Variants in PEAK1 observed in about 807,000 individuals in gnomAD.
PEAK1 encodes the protein pseudopodium enriched atypical kinase 1, also known as inactive tyrosine-protein kinase PEAK1.
In PEAK1, 54 loss-of-function variants were observed where a neutral mutation model predicts 124.7. The observed-to-expected ratio is 0.43, with a 90% confidence interval of 0.35 to 0.54. PEAK1 has a LOEUF of 0.54. Ranked by LOEUF, PEAK1 falls within the 20% of genes least tolerant of loss-of-function variation. The probability of loss-of-function intolerance (pLI) is 0.01; values close to 1 mark genes in which losing one functional copy is unlikely to be tolerated. For synonymous variants in PEAK1, 719 were observed against 760.0 expected (o/e 0.95, Z 0.89); for missense variants, 2,046 against 2,134.5 (o/e 0.96, Z 0.82).
At chr15:77,205,864 T>C (rs2058618147) in intron 6 of PEAK1, among the ~76,000 whole-genome samples, 1 of 151,402 alleles carries the variant, frequency 6.6e-6, no homozygotes, top group Non-Finnish European at 1.5e-5. Context: ...TTAGGGTACA[T>C]GTGCACATTG....
chr15:77,318,077 G>A (rs1192925811), intron 2 of PEAK1, among the ~76,000 whole-genome samples: 12 of 152,130 alleles, frequency 7.9e-5, no homozygotes, highest in Non-Finnish European at 8.8e-5. Context: ...TAGCATAAGG[G>A]AGATCTTTGT....
chr15:77,245,171 G>A (rs898585793), intron 6 of PEAK1, among the ~76,000 whole-genome samples: 5 of 151,988 alleles, frequency 3.3e-5, no homozygotes, highest in South Asian at 2.1e-4. Context: ...AGTATCTTTC[G>A]TATGTTTTTG....
intron 1 of PEAK1, among the ~76,000 whole-genome samples, chr15:77,388,888 T>C (rs978829499): frequency 2.6e-5 from 4 of 151,926 alleles, no homozygotes; most frequent in African/African-American, 9.7e-5. Flanking sequence ...TTCCATCCTA[T>C]CTTTTATGTT....
At chr15:77,159,149 G>A (rs1354559616) in intron 7 of PEAK1, among the ~76,000 whole-genome samples, 2 of 152,072 alleles carry the variant, frequency 1.3e-5, no homozygotes, top group Non-Finnish European at 2.9e-5. Flanking sequence ...ACACTTTAGT[G>A]TGTACTAAAT....
At chr15:77,116,762 G>A (rs191590630) in intron 9 of PEAK1, among the ~76,000 whole-genome samples, 120 of 150,962 alleles carry the variant, frequency 7.9e-4, no homozygotes, top group African/African-American at 2.8e-3. Context: ...CTATACCTCA[G>A]CACAAGTTCC....
intron 9 of PEAK1, among the ~76,000 whole-genome samples, chr15:77,120,204 C>A (rs1291780458): frequency 1.3e-5 from 2 of 152,174 alleles, no homozygotes; most frequent in South Asian, 2.1e-4. Flanking sequence ...CCTAGTTTTT[C>A]ATTGACAAAC....
At chr15:77,384,785 C>A (rs550283764) in intron 1 of PEAK1, among the ~76,000 whole-genome samples, 1 of 152,294 alleles carries the variant, frequency 6.6e-6, no homozygotes, top group Non-Finnish European at 1.5e-5. Context: ...ACTAAGCCTG[C>A]CTAAATAAAG....
At chr15:77,407,804 C>T (rs538990469) in intron 1 of PEAK1, among the ~76,000 whole-genome samples, 39 of 151,960 alleles carry the variant, frequency 2.6e-4, no homozygotes, top group Admixed American at 2.6e-3. Flanking sequence ...GACATTTGCA[C>T]AGGCATGTTT....
intron 6 of PEAK1, among the ~76,000 whole-genome samples, chr15:77,245,809 A>C (rs2060556984): frequency 6.6e-6 from 1 of 152,190 alleles, no homozygotes; most frequent in African/African-American, 2.4e-5. Context: ...TGGACTATTT[A>C]TTCTGTTTTA....
chr15:77,160,260 G>A (rs777798716), intron 7 of PEAK1, among the ~76,000 whole-genome samples: 5 of 152,278 alleles, frequency 3.3e-5, no homozygotes, highest in South Asian at 4.2e-4. Context: ...GTACCACTTC[G>A]TGTCAAGAGT....
intron 8 of PEAK1, among the ~76,000 whole-genome samples, chr15:77,145,764 A>G (rs1461234362): frequency 6.6e-6 from 1 of 152,194 alleles, no homozygotes; most frequent in Non-Finnish European, 1.5e-5. Flanking sequence ...TCCTCCAGGC[A>G]AAGGCTTTCA....
intron 6 of PEAK1, among the ~76,000 whole-genome samples, chr15:77,216,798 G>A (rs1273286192): frequency 6.6e-6 from 1 of 152,140 alleles, no homozygotes; most frequent in Non-Finnish European, 1.5e-5. Context: ...CTCAACGGGG[G>A]CCAAAACCAT....
intron 6 of PEAK1, among the ~76,000 whole-genome samples, chr15:77,250,041 C>G (rs934513115): frequency 6.6e-6 from 1 of 150,726 alleles, no homozygotes; most frequent in African/African-American, 2.4e-5. Flanking sequence ...GTGAATGTGG[C>G]CACATGTCTA....
At chr15:77,310,025 T>C (rs763787581) in intron 2 of PEAK1, among the ~76,000 whole-genome samples, 2 of 152,140 alleles carry the variant, frequency 1.3e-5, no homozygotes, top group African/African-American at 2.4e-5. Flanking sequence ...CCCAAACTAG[T>C]GGACTAAATT....
At chr15:77,226,312 A>G (rs2152889090) in intron 6 of PEAK1, among the ~76,000 whole-genome samples, 1 of 151,528 alleles carries the variant, frequency 6.6e-6, no homozygotes, top group Admixed American at 6.6e-5. Flanking sequence ...ACAAATCCAG[A>G]CACTGACAAC....
chr15:77,314,680 T>C (rs1384314846), intron 2 of PEAK1, among the ~76,000 whole-genome samples: 5 of 152,156 alleles, frequency 3.3e-5, no homozygotes, highest in Non-Finnish European at 7.3e-5. Flanking sequence ...AAACGAATTT[T>C]CTAGATGACT....
chr15:77,304,912 C>A (rs894320712), intron 2 of PEAK1, among the ~76,000 whole-genome samples: 1 of 151,946 alleles, frequency 6.6e-6, no homozygotes, highest in Non-Finnish European at 1.5e-5. Context: ...TGGATCATTC[C>A]TGCATGCATT....
In PEAK1 at chr15:77,149,012, A is replaced by T. The variant is rs149814237; in HGVS notation, c.3331+9491T>A. Among the ~76,000 whole-genome samples the T allele has an allele frequency of 3.7e-4, 56 of 152,296 alleles. No individual in the cohort carries two copies. The East Asian group carries it at 0.01, about 27-fold the overall frequency. On this transcript the variant is annotated intron_variant, in intron 8 of 9. Coordinates refer to ENST00000682557, the MANE Select transcript of PEAK1 (RefSeq NM_001385026.1). ...ATAAAGGAATTCACAACTAGTAAGGACTTCTATGTACCAAGTACTTCTCTG... is the reference window on the plus strand; with the variant it reads ...ATAAAGGAATTCACAACTAGTAAGGTCTTCTATGTACCAAGTACTTCTCTG...
chr15:77,338,479 C>T (rs1390243205), intron 2 of PEAK1, among the ~76,000 whole-genome samples: 1 of 152,092 alleles, frequency 6.6e-6, no homozygotes, highest in Non-Finnish European at 1.5e-5. Context: ...ACAAAAGGTA[C>T]ACTCCCCAAC....
Sources: allele counts gnomAD v4.1 joint callset (sites outside exome capture counted in the v4.1 genomes callset), GRCh38; gene constraint gnomAD v4.1.1; transcripts MANE v1.5; gene names NCBI Gene and HGNC (gene_info 2026-07-23, HGNC 2026-07-21).